AHNAK: variants seen among roughly 807,000 people sequenced by gnomAD.
AHNAK encodes the protein AHNAK nucleoprotein, also known as neuroblast differentiation-associated protein AHNAK.
Under a neutral mutation model 37.8 loss-of-function variants are expected in AHNAK, and 23 were observed. The ratio of observed to expected loss-of-function variants is 0.61; its 90% confidence interval spans 0.44 to 0.86. AHNAK has a LOEUF of 0.86. Ranked by LOEUF, AHNAK falls within the 40% of genes least tolerant of loss-of-function variation. The pLI, the probability that AHNAK is intolerant of heterozygous loss-of-function variation, is 0.00. For missense variants in AHNAK, 7,411 were observed against 7,319.4 expected, an observed-to-expected ratio of 1.01 and a Z score of -0.46; for synonymous variants, 2,481 against 2,636.3, an observed-to-expected ratio of 0.94 and a Z score of 1.80.
chr11:62,453,530 A>C (rs1938585399), intron 5 of AHNAK, among the ~76,000 whole-genome samples: 1 of 152,188 alleles, frequency 6.6e-6, no homozygotes, highest in South Asian at 2.1e-4. Flanking sequence ...CAACAGCAGA[A>C]CCAGGATTCG....
At chr11:62,462,121 G>A (rs970186482) in intron 5 of AHNAK, among the ~76,000 whole-genome samples, 1 of 152,108 alleles carries the variant, frequency 6.6e-6, no homozygotes, top group Non-Finnish European at 1.5e-5. Context: ...TTTTTAAGGT[G>A]GCACCCTAGA....
At chr11:62,474,119 A>C (rs1939095957) in intron 5 of AHNAK, among the ~76,000 whole-genome samples, 1 of 152,014 alleles carries the variant, frequency 6.6e-6, no homozygotes, top group Non-Finnish European at 1.5e-5. Context: ...TTTATAAATA[A>C]AATAATTTAA....
Position 62,533,430 on chromosome 11 carries a change from C to T in AHNAK, c.987G>A (p.Leu329=). ...CAGAGACTTCAGGTGCAGAAACCCT[C>T]AGCCCTGCCTTTGGTGTCTGGCCCT... ...GREGQTPKAG[L]RVSAPEVSVG... Residue 329 remains leucine (L), a synonymous_variant, in exon 5 of 5, where the codon CTG becomes CTA. Coordinates refer to ENST00000378024, the MANE Select transcript of AHNAK (RefSeq NM_001620.3). 1 of 1,612,506 alleles carries T rather than the reference C, an allele frequency of 6.2e-7. No homozygotes were observed. The highest frequency in any genetic ancestry group is 8.5e-7 in the Non-Finnish European group (1 of 1,179,070).
At chr11:62,508,765 G>A (rs893822879) in intron 4 of AHNAK, among the ~76,000 whole-genome samples, 4 of 152,214 alleles carry the variant, frequency 2.6e-5, no homozygotes, top group Non-Finnish European at 4.4e-5. Flanking sequence ...TTCCCGGCCC[G>A]TGGCAGGCAT....
At chr11:62,488,809 A>C (rs1939444589) in intron 5 of AHNAK, among the ~76,000 whole-genome samples, 1 of 152,124 alleles carries the variant, frequency 6.6e-6, no homozygotes, top group African/African-American at 2.4e-5. Context: ...AGGGGAGCCA[A>C]AACAGGGATG....
chr11:62,463,576 A>G (rs1480184284), intron 5 of AHNAK, among the ~76,000 whole-genome samples: 1 of 151,880 alleles, frequency 6.6e-6, no homozygotes, highest in Admixed American at 6.6e-5. Flanking sequence ...TCTTCCCTCC[A>G]TCAACACTTC....
In AHNAK at chr11:62,524,566, G is replaced by A. The variant is rs1940398774; in HGVS notation, c.9851C>T (p.Pro3284Leu). Residue 3284 changes from proline to leucine, a missense_variant, in exon 5 of 5, where the codon CCT (proline) becomes CTT (leucine). Pro to Leu is a moderately conservative substitution (Grantham distance 98). Transcript: ENST00000378024. Reference sequence around the variant, plus strand: ...CTTGGGCATGTTTACATGCATGTCAGGCATCTTCAGTTTTGGACCTTTTAA... The same window carrying A: ...CTTGGGCATGTTTACATGCATGTCAAGCATCTTCAGTTTTGGACCTTTTAA... ...AKLKGPKLKM[P>L]DMHVNMPKIS... is the part of the protein sequence containing the mutation. 6.2e-7 allele frequency: 1 copy of A among 1,613,792 alleles called. No homozygotes were observed. Among genetic ancestry groups the A allele is most frequent in the Non-Finnish European group, 8.5e-7 (1 of 1,179,988 alleles).
intron 1 of AHNAK, among the ~76,000 whole-genome samples, chr11:62,538,966 G>A (rs188124614): frequency 3.3e-5 from 5 of 152,238 alleles, no homozygotes; most frequent in East Asian, 1.9e-4. Flanking sequence ...ACAGACCCCA[G>A]CCCCCGACAG....
chr11:62,491,679 A>C, intron 5 of AHNAK: 1 of 1,472,022 alleles, frequency 6.8e-7, no homozygotes, highest in Non-Finnish European at 9.3e-7. Flanking sequence ...GATAAAGGGT[A>C]TCATTATCAT....
intron 5 of AHNAK, among the ~76,000 whole-genome samples, chr11:62,460,449 C>T (rs563398677): frequency 3.3e-4 from 51 of 152,270 alleles, no homozygotes; most frequent in Non-Finnish European, 5.7e-4. Context: ...TGGGGGAGCT[C>T]CCCAAGAGGC....
intron 5 of AHNAK, among the ~76,000 whole-genome samples, chr11:62,455,350 C>G (rs749649676): frequency 6.6e-6 from 1 of 152,138 alleles, no homozygotes; most frequent in Non-Finnish European, 1.5e-5. Flanking sequence ...GCTGGGCTGA[C>G]TGGCAGCGCA....
Position 62,518,525 on chromosome 11 carries a change from A to G in AHNAK, c.15892T>C (p.Ser5298Pro). 3.7e-6 allele frequency: 6 copies of G among 1,614,058 alleles called. No individual in the cohort carries two copies. Among genetic ancestry groups the G allele is most frequent in the Non-Finnish European group, 5.1e-6 (6 of 1,180,000 alleles). Residue 5298 changes from serine (S) to proline (P), a missense_variant, in exon 5 of 5, where the codon TCT becomes CCT. By Grantham distance (74) the Ser-to-Pro change is moderately conservative (BLOSUM62 -1). Transcript: ENST00000378024. ...PSVNLSMPKV[S>P]GPDLDLNLKG... Reference sequence around the variant, plus strand: ...AAGTTCAGATCAAGGTCAGGCCCAGAGACTTTTGGCATAGAGAGGTTCACT... The same window carrying G: ...AAGTTCAGATCAAGGTCAGGCCCAGGGACTTTTGGCATAGAGAGGTTCACT...
At chr11:62,474,806 T>C (rs1187878717) in intron 5 of AHNAK, among the ~76,000 whole-genome samples, 1 of 152,182 alleles carries the variant, frequency 6.6e-6, no homozygotes, top group Non-Finnish European at 1.5e-5. Flanking sequence ...TGTCCCAACA[T>C]CCTGGTGCTT....
At position 62,532,354 on chromosome 11, in the gene AHNAK, G is replaced by A; in HGVS notation, c.2063C>T (p.Pro688Leu). The A allele has an allele frequency of 6.2e-7, 1 of 1,614,164 alleles. No homozygotes were observed. The highest frequency in any genetic ancestry group is 8.5e-7 in the Non-Finnish European group (1 of 1,180,036). Residue 688 changes from proline (P) to leucine (L), a missense_variant, in exon 5 of 5, where the codon CCT becomes CTT. Physicochemically the swap from Pro to Leu is moderately conservative, Grantham distance 98. Transcript: ENST00000378024. ...GKLKGPDVKL[P>L]DMSVKTPKIS... ...CTTTGGTGTCTTGACACTCATATCA[G>A]GCAGCTTAACATCGGGGCCTTTAAG...
intron 5 of AHNAK, among the ~76,000 whole-genome samples, chr11:62,491,036 C>T (rs964975763): frequency 6.6e-6 from 1 of 152,172 alleles, no homozygotes; most frequent in Non-Finnish European, 1.5e-5. Flanking sequence ...GATCCGCCTG[C>T]CTCGGCCTCC....
intron 5 of AHNAK, among the ~76,000 whole-genome samples, chr11:62,452,535 T>C (rs1222179620): frequency 1.3e-5 from 2 of 152,072 alleles, no homozygotes; most frequent in Admixed American, 1.3e-4. Context: ...TAGGAAGGAG[T>C]TGTCAGAGCA....
At chr11:62,499,698 C>T (rs1422277054) in intron 4 of AHNAK, among the ~76,000 whole-genome samples, 1 of 152,202 alleles carries the variant, frequency 6.6e-6, no homozygotes, top group Non-Finnish European at 1.5e-5. Context: ...GCTCCTGGCT[C>T]CTCTGGGATG....
chr11:62,493,697 C>T (rs1444449087), intron 4 of AHNAK, among the ~76,000 whole-genome samples: 1 of 151,768 alleles, frequency 6.6e-6, no homozygotes, highest in East Asian at 1.9e-4. Flanking sequence ...TCTTGAACTC[C>T]TGGGCTCAAG....
Position 62,524,238 on chromosome 11 carries a change from C to G in AHNAK, c.10179G>C (p.Glu3393Asp). The G allele has an allele frequency of 6.2e-7, 1 of 1,612,778 alleles. No individual in the cohort carries two copies. The highest frequency in any genetic ancestry group is 1.1e-5 in the South Asian group (1 of 90,668). The change falls in exon 5 of 5, where the codon GAG becomes GAC. Residue 3393 changes from glutamate (E) to aspartate (D), a missense_variant. Physicochemically the swap from Glu to Asp is conservative, Grantham distance 45. Transcript: ENST00000378024. ...TGGATCCTTTCACTTTTCCTTGGAC[C>G]TCGACATCAGGAGCATTAATATCAA... is the stretch of plus-strand genomic sequence containing the variant. ...PKVDINAPDV[E>D]VQGKVKGSKF...
Sources: allele counts gnomAD v4.1 joint callset (sites outside exome capture counted in the v4.1 genomes callset), GRCh38; gene constraint gnomAD v4.1.1; transcripts MANE v1.5; gene names NCBI Gene and HGNC (gene_info 2026-07-23, HGNC 2026-07-21).